FGF13: variants seen among roughly 807,000 people sequenced by gnomAD.
FGF13 encodes fibroblast growth factor homologous factor 2.
In FGF13, 2 loss-of-function variants were observed where a neutral mutation model predicts 19.5. That is an observed-to-expected ratio of 0.10 (90% CI 0.04 to 0.32). FGF13 has a LOEUF of 0.32. FGF13 is among the 10% of genes least tolerant of loss of function. The probability of loss-of-function intolerance (pLI) is 1.00; values close to 1 mark genes in which losing one functional copy is unlikely to be tolerated. For missense variants in FGF13, 113 were observed against 192.7 expected (o/e 0.59, Z 2.45); for synonymous variants, 72 against 76.9 (o/e 0.94, Z 0.33).
intron 1 of FGF13, among the ~76,000 whole-genome samples, chrX:139,126,367 C>T (rs189837010): frequency 1.8e-5 from 2 of 111,290 alleles, no homozygotes; most frequent in African/African-American, 3.3e-5. Flanking sequence ...CCAAAGAAAT[C>T]GGGAATCTAA....
At chrX:139,109,137 A>C (rs1246321014) in intron 1 of FGF13, among the ~76,000 whole-genome samples, 8 of 112,206 alleles carry the variant, frequency 7.1e-5, no homozygotes, top group Non-Finnish European at 1.5e-4. Flanking sequence ...TATAAAATAA[A>C]AAGTATTAAA....
intron 1 of FGF13, among the ~76,000 whole-genome samples, chrX:138,949,379 A>G (rs2091798455): frequency 9.0e-6 from 1 of 111,070 alleles, no homozygotes; most frequent in African/African-American, 3.3e-5. Context: ...GTTGCCAACA[A>G]TCCTTGGTGT....
Position 138,846,675 on chromosome X carries a change from A to G in FGF13, c.217+10837T>C, listed in dbSNP as rs1021997497. 5.4e-5 allele frequency among the ~76,000 whole-genome samples: 6 copies of G among 111,843 alleles called. No individual in the cohort carries two copies. In the Admixed American group the frequency reaches 5.7e-4, roughly 11 times the overall value. ...TGAGCCACTTAAACCTATTTTCTTT[A>G]TAAATTACCCAGTCTCAAGTATTTC... is the stretch of plus-strand genomic sequence containing the variant. On this transcript the variant is annotated intron_variant, in intron 3 of 6. Transcript: ENST00000436198.
chrX:138,625,020 C>T lies in FGF13; in HGVS notation c.*7830G>A, dbSNP rs976099710. The T allele has an allele frequency of 9.1e-6, 1 of 110,331 alleles. No homozygotes were observed. The highest frequency in any genetic ancestry group is 3.3e-5 in the African/African-American group (1 of 30,310). The allele number at this position is 110,331 out of a possible 1,213,427, so 9.1% of individuals were successfully genotyped here. On this transcript the variant is annotated 3_prime_UTR_variant, in exon 5 of 5. Coordinates refer to ENST00000315930, the MANE Select transcript of FGF13 (RefSeq NM_004114.5). Reference sequence around the variant, plus strand: ...AGTAAACTGTATTTTGAAAAATGGACCAAGGAGCTGAATAGACATCTCTCC... The same window carrying T: ...AGTAAACTGTATTTTGAAAAATGGATCAAGGAGCTGAATAGACATCTCTCC...
At chrX:138,660,966 A>T (rs185014592) in intron 3 of FGF13, among the ~76,000 whole-genome samples, 116 of 111,845 alleles carry the variant, frequency 1.0e-3, no homozygotes, top group African/African-American at 3.2e-3. Flanking sequence ...GTCCCCAAAC[A>T]GTATGTTATA....
chrX:138,812,729 C>A (rs1316974732), intron 3 of FGF13, among the ~76,000 whole-genome samples: 2 of 111,411 alleles, frequency 1.8e-5, no homozygotes, highest in Non-Finnish European at 3.8e-5. Context: ...AAAAAAATTT[C>A]TTCTAAAAAA....
chrX:139,007,627 A>T (rs1209168712), intron 1 of FGF13, among the ~76,000 whole-genome samples: 1 of 112,577 alleles, frequency 8.9e-6, no homozygotes, highest in Non-Finnish European at 1.9e-5. Flanking sequence ...CATTCAAAAA[A>T]TTGAAATAAT....
At chrX:138,650,110 T>TAGG (rs1200482626) in intron 3 of FGF13, among the ~76,000 whole-genome samples, 136 of 111,845 alleles carry the variant, frequency 1.2e-3, no homozygotes, top group Admixed American at 3.1e-3. Context: ...ACTCATGAAG[T>TAGG]ATCCTAAAGT....
chrX:139,001,889 CAT>C (rs1233162406), intron 1 of FGF13, among the ~76,000 whole-genome samples: 22 of 111,844 alleles, frequency 2.0e-4, no homozygotes, highest in African/African-American at 7.2e-4. Context: ...CACATGCACA[CAT>C]ATGTTTATTG....
chrX:138,985,450 C>A (rs1404516625), intron 1 of FGF13, among the ~76,000 whole-genome samples: 1 of 111,956 alleles, frequency 8.9e-6, no homozygotes, highest in Admixed American at 9.5e-5. Context: ...CCTGTGACAA[C>A]ACCTCTTCAA....
At chrX:138,716,940 A>G (rs1422195036) in intron 1 of FGF13, among the ~76,000 whole-genome samples, 1 of 112,450 alleles carries the variant, frequency 8.9e-6, no homozygotes, top group Non-Finnish European at 1.9e-5. Context: ...TACTTAAGCT[A>G]TAGAATTTAC....
At chrX:138,778,357 T>C (rs1291125993) in intron 3 of FGF13, among the ~76,000 whole-genome samples, 1 of 111,258 alleles carries the variant, frequency 9.0e-6, no homozygotes, top group Admixed American at 9.5e-5. Context: ...GCTCCCAGCA[T>C]GAGGGAGGCA....
chrX:138,955,461 CT>C lies in FGF13; in HGVS notation c.-112-90812del, dbSNP rs752812812. 1.9e-4 allele frequency among the ~76,000 whole-genome samples: 21 copies of C among 111,986 alleles called. No homozygotes were observed. The East Asian group carries it at 2.6e-3, about 14-fold the overall frequency. ...TCTCTCTTTTAGTCCTCAAAAGACT[CT>C]CCTAATGTGGGTATTATTTTCTCCA... On this transcript the variant is annotated intron_variant, in intron 1 of 2. Coordinates refer to the FGF13 transcript ENST00000421460.
intron 3 of FGF13, among the ~76,000 whole-genome samples, chrX:138,792,867 A>T (rs1192946937): frequency 9.0e-6 from 1 of 111,664 alleles, no homozygotes; most frequent in East Asian, 2.8e-4. Flanking sequence ...CCCAGAATAC[A>T]TGTCCCTGCC....
chrX:138,984,483 AAGAAGG>A (rs1229952648), intron 1 of FGF13, among the ~76,000 whole-genome samples: 2 of 24,541 alleles, frequency 8.1e-5, no homozygotes, highest in African/African-American at 2.9e-4. Context: ...GGAGAAGGAG[AAGAAGG>A]AGAAGGAGAA....
chrX:138,615,036 A>C lies in FGF13; in HGVS notation c.*17814T>G, dbSNP rs2088956504. ...GTTTACTAGCTTTTATGGGTGAAAA[A>C]GGATGACAGGGAGATGTTTATAAAG... is the stretch of plus-strand genomic sequence containing the variant. On this transcript the variant is annotated 3_prime_UTR_variant, in exon 5 of 5. Coordinates refer to ENST00000315930, the MANE Select transcript of FGF13 (RefSeq NM_004114.5). The C allele has an allele frequency of 8.9e-6, 1 of 112,151 alleles. No homozygotes were observed. The highest frequency in any genetic ancestry group is 1.9e-5 in the Non-Finnish European group (1 of 53,242). 9.2% of individuals were successfully genotyped at this position (112,151 alleles called of 1,213,427 possible).
At chrX:138,946,843 T>G (rs187087539) in intron 1 of FGF13, among the ~76,000 whole-genome samples, 21 of 112,366 alleles carry the variant, frequency 1.9e-4, no homozygotes, top group Admixed American at 1.6e-3. Flanking sequence ...ATAGAAAATG[T>G]TCAGAAAACT....
intron 1 of FGF13, among the ~76,000 whole-genome samples, chrX:139,001,734 G>T (rs2092074325): frequency 9.0e-6 from 1 of 111,692 alleles, no homozygotes. Context: ...CTTTTACACT[G>T]TTGGTGGGAG....
At chrX:139,107,161 G>A (rs1042806910) in intron 1 of FGF13, among the ~76,000 whole-genome samples, 15 of 111,907 alleles carry the variant, frequency 1.3e-4, no homozygotes, top group African/African-American at 4.9e-4. Flanking sequence ...AACGTGTGAT[G>A]AAGAGTGGCA....
Sources: allele counts gnomAD v4.1 joint callset (sites outside exome capture counted in the v4.1 genomes callset), GRCh38; gene constraint gnomAD v4.1.1; transcripts MANE v1.5; gene names NCBI Gene and HGNC (gene_info 2026-07-23, HGNC 2026-07-21).